Variants in SUGCT observed in about 807,000 individuals in gnomAD.
SUGCT encodes the protein succinyl-CoA:glutarate-CoA transferase, also known as succinyl-CoA:glutarate CoA-transferase.
SUGCT carries 41 observed loss-of-function variants against 55.0 expected under a neutral mutation model. The observed-to-expected ratio is 0.74, with a 90% CI of 0.58 to 0.97. The LOEUF is 0.97. Among genes scored for constraint, SUGCT ranks in the 50% least tolerant of loss-of-function variants. The pLI is 0.00. For missense variants in SUGCT, 568 were observed against 547.8 expected, an observed-to-expected ratio of 1.04 and a Z score of -0.37; for synonymous variants, 187 against 200.4, an observed-to-expected ratio of 0.93 and a Z score of 0.56.
chr7:40,276,707 C>T (rs1259612663), intron 8 of SUGCT, among the ~76,000 whole-genome samples: 2 of 152,088 alleles, frequency 1.3e-5, no homozygotes, highest in Admixed American at 1.3e-4. Flanking sequence ...GGTGGAATCA[C>T]CATAGGGCTG....
intron 12 of SUGCT, among the ~76,000 whole-genome samples, chr7:40,584,121 T>C (rs1332531589): frequency 6.6e-6 from 1 of 152,204 alleles, no homozygotes; most frequent in East Asian, 1.9e-4. Flanking sequence ...GCACTTGTTT[T>C]ATCAAGTTAA....
chr7:40,955,795 A>G, the SUGCT span, among the ~76,000 whole-genome samples: 1 of 152,174 alleles, frequency 6.6e-6, no homozygotes, highest in Non-Finnish European at 1.5e-5. Flanking sequence ...TTATTTTGAG[A>G]TACATTCCAT....
chr7:40,742,131 TG>T (rs1294415303), intron 12 of SUGCT, among the ~76,000 whole-genome samples: 3 of 152,198 alleles, frequency 2.0e-5, no homozygotes, highest in African/African-American at 7.2e-5. Context: ...ACTATATATA[TG>T]CACACACATT....
the SUGCT span, among the ~76,000 whole-genome samples, chr7:40,975,927 C>G: frequency 6.6e-6 from 1 of 152,170 alleles, no homozygotes; most frequent in African/African-American, 2.4e-5. Context: ...AGTGTTATGG[C>G]CAATTCTTTC....
chr7:40,173,888 ATAAT>A (rs1182685269), intron 1 of SUGCT, among the ~76,000 whole-genome samples: 1 of 148,086 alleles, frequency 6.8e-6, no homozygotes, highest in East Asian at 2.0e-4. Context: ...TTTGTATAAC[ATAAT>A]TTATTTATAT....
chr7:40,946,911 G>C, the SUGCT span, among the ~76,000 whole-genome samples: 8 of 152,084 alleles, frequency 5.3e-5, no homozygotes, highest in African/African-American at 9.7e-5. Context: ...TTTATCCTTT[G>C]ACAGCTTGAT....
intron 1 of SUGCT, among the ~76,000 whole-genome samples, chr7:40,173,484 T>C (rs1377559188): frequency 3.9e-5 from 6 of 152,270 alleles, no homozygotes; most frequent in South Asian, 4.1e-4. Context: ...TCCCATACAA[T>C]GGGAGGGGAC....
At chr7:40,580,988 G>A (rs911202463) in intron 12 of SUGCT, among the ~76,000 whole-genome samples, 1 of 152,136 alleles carries the variant, frequency 6.6e-6, no homozygotes, top group African/African-American at 2.4e-5. Context: ...AAGAATTCCT[G>A]TTGTTAAGCA....
At position 40,365,981 on chromosome 7, in the gene SUGCT, G is replaced by C. The variant is rs552717882; in HGVS notation, c.816+49126G>C. 7.5e-4 allele frequency among the ~76,000 whole-genome samples: 114 copies of C among 152,244 alleles called. 1 individual carries two copies. The highest frequency in any genetic ancestry group is 1.4e-3 in the Non-Finnish European group (97 of 68,024). On this transcript the variant is annotated intron_variant, in intron 9 of 13. Transcript: ENST00000335693. Reference sequence around the variant, plus strand: ...GTCAATCCTAAGCCAAAAGAACAAAGCTGGAGGCATCACGCTACCTGACTT... The same window carrying C: ...GTCAATCCTAAGCCAAAAGAACAAACCTGGAGGCATCACGCTACCTGACTT...
In SUGCT at chr7:40,300,014, A is replaced by G. The variant is rs1185648874; in HGVS notation, c.721-16746A>G. Among the ~76,000 whole-genome samples, 10 of 152,254 alleles carry G rather than the reference A, an allele frequency of 6.6e-5. No homozygotes were observed. The East Asian group carries it at 1.9e-3, about 29-fold the overall frequency. ...CGTCTAGGGGGGTTGTTTTTCCTGG[A>G]TGCATTATTTGTGTTAGTGAAAGAT... is the stretch of plus-strand genomic sequence containing the variant. On this transcript the variant is annotated intron_variant, in intron 8 of 13. Transcript: ENST00000335693.
the SUGCT span, among the ~76,000 whole-genome samples, chr7:40,877,748 A>G: frequency 6.6e-6 from 1 of 152,238 alleles, no homozygotes; most frequent in African/African-American, 2.4e-5. Flanking sequence ...GTTATTAGAT[A>G]CTTGAGGGTT....
chr7:40,992,928 T>C, the SUGCT span, among the ~76,000 whole-genome samples: 1 of 152,160 alleles, frequency 6.6e-6, no homozygotes, highest in East Asian at 1.9e-4. Context: ...GACACAGTTA[T>C]GTGGGGAGGG....
At chr7:40,562,824 C>T (rs75135876) in intron 12 of SUGCT, among the ~76,000 whole-genome samples, 3,861 of 152,198 alleles carry the variant, frequency 0.025, 157 homozygotes, top group African/African-American at 0.09. Flanking sequence ...GGGGCACGGC[C>T]ACACCATCCA....
chr7:40,325,738 G>C (rs1455359558), intron 9 of SUGCT, among the ~76,000 whole-genome samples: 1 of 152,066 alleles, frequency 6.6e-6, no homozygotes, highest in East Asian at 1.9e-4. Context: ...ACCAGGAGGT[G>C]GTGGTTGCAG....
intron 12 of SUGCT, among the ~76,000 whole-genome samples, chr7:40,553,649 TG>T (rs1327697830): frequency 6.6e-6 from 1 of 152,176 alleles, no homozygotes; most frequent in Non-Finnish European, 1.5e-5. Context: ...AAGCTAAAAA[TG>T]TAGACACTTT....
intron 5 of SUGCT, among the ~76,000 whole-genome samples, chr7:40,189,909 A>T (rs1218558594): frequency 6.6e-6 from 1 of 152,144 alleles, no homozygotes; most frequent in East Asian, 1.9e-4. Context: ...GAAGTATTGA[A>T]ATCTCATTTA....
chr7:40,524,333 A>G (rs1335517082), intron 12 of SUGCT, among the ~76,000 whole-genome samples: 2 of 152,110 alleles, frequency 1.3e-5, no homozygotes, highest in East Asian at 1.9e-4. Flanking sequence ...TAAATATGCC[A>G]TATATCTGAT....
intron 7 of SUGCT, among the ~76,000 whole-genome samples, chr7:40,266,401 G>A (rs1458023319): frequency 6.6e-6 from 1 of 151,182 alleles, no homozygotes; most frequent in Non-Finnish European, 1.5e-5. Context: ...TGCCCGCCTC[G>A]GCCTCCCAAA....
intron 6 of SUGCT, among the ~76,000 whole-genome samples, chr7:40,217,766 C>T (rs147100451): frequency 1.0e-3 from 156 of 152,276 alleles, no homozygotes; most frequent in African/African-American, 3.6e-3. Flanking sequence ...CCAGGTTACC[C>T]TTGGAACATC....
Sources: allele counts gnomAD v4.1 joint callset (sites outside exome capture counted in the v4.1 genomes callset), GRCh38; gene constraint gnomAD v4.1.1; transcripts MANE v1.5; gene names NCBI Gene and HGNC (gene_info 2026-07-23, HGNC 2026-07-21).